Variants in PTPRT observed in about 807,000 individuals in gnomAD.
PTPRT encodes the protein protein tyrosine phosphatase receptor type T.
In PTPRT, 56 loss-of-function variants were observed where a neutral mutation model predicts 176.8. That is an observed-to-expected ratio of 0.32 (90% CI 0.26 to 0.40). The LOEUF (loss-of-function observed/expected upper bound fraction) is 0.40, where lower values mean the gene tolerates loss of function less well. Among genes scored for constraint, PTPRT ranks in the 10% least tolerant of loss-of-function variants. The pLI is 1.00. For synonymous variants in PTPRT, 783 were observed against 739.0 expected, an observed-to-expected ratio of 1.06 and a Z score of -0.96; for missense variants, 1,540 against 1,908.2, an observed-to-expected ratio of 0.81 and a Z score of 3.60.
intron 1 of PTPRT, among the ~76,000 whole-genome samples, chr20:42,927,439 G>T (rs148175768): frequency 6.6e-6 from 1 of 152,184 alleles, no homozygotes. Flanking sequence ...GCGCATGCCC[G>T]TAATCCAAGC....
At chr20:42,979,638 A>G (rs1046237031) in intron 1 of PTPRT, among the ~76,000 whole-genome samples, 1 of 152,144 alleles carries the variant, frequency 6.6e-6, no homozygotes, top group Admixed American at 6.5e-5. Flanking sequence ...ATTATGGATG[A>G]TCCTGCCCCC....
intron 1 of PTPRT, among the ~76,000 whole-genome samples, chr20:43,158,442 C>T (rs1469235924): frequency 1.3e-5 from 2 of 152,172 alleles, no homozygotes; most frequent in Admixed American, 6.5e-5. Flanking sequence ...GATACAAATT[C>T]GGGAGTCATT....
At chr20:42,041,935 T>A in the PTPRT span, among the ~76,000 whole-genome samples, 1 of 152,158 alleles carries the variant, frequency 6.6e-6, no homozygotes. Flanking sequence ...CAATCCCTAT[T>A]AAATAAATTC....
rs569681213 is a variant in PTPRT, at chr20:42,389,019, C to T, written c.1561-36734G>A. 1.8e-4 allele frequency among the ~76,000 whole-genome samples: 27 copies of T among 151,712 alleles called. No homozygotes were observed. The South Asian group carries it at 5.4e-3, about 30-fold the overall frequency. On this transcript the variant is annotated intron_variant, in intron 9 of 30. Transcript: ENST00000373187. ...GAAACCATCATTCTCAGCAAACTAT[C>T]GCAAGGACAAAAAACCAAACACTGC...
chr20:42,552,711 C>T (rs1200421983), intron 7 of PTPRT, among the ~76,000 whole-genome samples: 1 of 152,070 alleles, frequency 6.6e-6, no homozygotes. Context: ...AAGATTAATG[C>T]TGTTAATACA....
rs7361185 is a variant in PTPRT, at chr20:42,443,091, C to A, written c.1560+5129G>T. Among the ~76,000 whole-genome samples, 3 of 152,282 alleles carry A rather than the reference C, an allele frequency of 2.0e-5. No individual in the cohort carries two copies. In the East Asian group the frequency reaches 5.8e-4, roughly 29 times the overall value. On this transcript the variant is annotated intron_variant, in intron 9 of 30. Coordinates refer to ENST00000373187, the MANE Select transcript of PTPRT (RefSeq NM_007050.6). The stretch of plus-strand genomic sequence containing the variant: ...ATTCCTGATGTAAATATTGTTTAGA[C>A]GTCAGGTGAGCAGGAATATTCCTTA...
intron 1 of PTPRT, among the ~76,000 whole-genome samples, chr20:42,972,685 A>C (rs1329942115): frequency 1.4e-5 from 2 of 147,350 alleles, no homozygotes; most frequent in Non-Finnish European, 3.0e-5. Context: ...GCAAAAAAAA[A>C]AAAAAAAAAA....
chr20:43,098,254 G>A (rs76911828), intron 1 of PTPRT, among the ~76,000 whole-genome samples: 3,706 of 152,276 alleles, frequency 0.024, 165 homozygotes, highest in African/African-American at 0.084. Context: ...TGAAGCAGCA[G>A]CACAGCATAT....
At chr20:42,915,772 T>C (rs981852739) in intron 1 of PTPRT, among the ~76,000 whole-genome samples, 1 of 152,006 alleles carries the variant, frequency 6.6e-6, no homozygotes, top group Non-Finnish European at 1.5e-5. Flanking sequence ...TTTGTATTTT[T>C]TTTTTCTGTA....
At chr20:42,118,294 G>T (rs1987399609) in intron 21 of PTPRT, 109 bp downstream of exon 21, 1 of 876,968 alleles carries the variant, frequency 1.1e-6, no homozygotes. Flanking sequence ...AGGTTGCCGT[G>T]AGGGTGAAAT....
rs960106930 is a variant in PTPRT at position 42,522,172 on chromosome 20, T to C, written c.1154-49610A>G. On this transcript the variant is annotated intron_variant, in intron 7 of 30. Transcript: ENST00000373187. The stretch of plus-strand genomic sequence containing the variant: ...TTTTCTCTTGGATCTAGTTGCCTCT[T>C]GCTTTTGTAAAAGTTTCCTTCTTTA... Among the ~76,000 whole-genome samples the C allele has an allele frequency of 1.9e-4, 29 of 149,562 alleles. 1 individual carries two copies. The highest frequency in any genetic ancestry group is 6.9e-4 in the African/African-American group (28 of 40,358).
intron 7 of PTPRT, among the ~76,000 whole-genome samples, chr20:42,491,915 G>A (rs953024948): frequency 6.6e-6 from 1 of 152,026 alleles, no homozygotes; most frequent in Non-Finnish European, 1.5e-5. Flanking sequence ...TTTCATAAAT[G>A]TTATATAAAA....
At chr20:42,538,455 G>C (rs2072515431) in intron 7 of PTPRT, among the ~76,000 whole-genome samples, 1 of 152,102 alleles carries the variant, frequency 6.6e-6, no homozygotes, top group South Asian at 2.1e-4. Flanking sequence ...CTAGAAAGAG[G>C]GAACTTATTT....
chr20:42,087,255 G>A (rs1342498754), intron 27 of PTPRT, among the ~76,000 whole-genome samples: 1 of 151,768 alleles, frequency 6.6e-6, no homozygotes, highest in Non-Finnish European at 1.5e-5. Flanking sequence ...TTTTGAGACG[G>A]AGTCTCACTC....
chr20:43,008,958 G>A lies in PTPRT; in HGVS notation c.89-123026C>T, dbSNP rs186017556. Among the ~76,000 whole-genome samples, 725 of 152,194 alleles carry A rather than the reference G, an allele frequency of 4.8e-3. 9 individuals carry two copies. The highest frequency in any genetic ancestry group is 0.017 in the African/African-American group (695 of 41,508). The stretch of plus-strand genomic sequence containing the variant: ...CTCTCAGGTGGGTTTGGGTCTCTCC[G>A]CCTGACTTCACATGTCAAGGGCTTC... On this transcript the variant is annotated intron_variant, in intron 1 of 30. Transcript: ENST00000373187.
intron 7 of PTPRT, among the ~76,000 whole-genome samples, chr20:42,656,979 T>C (rs2075136004): frequency 6.6e-6 from 1 of 152,130 alleles, no homozygotes; most frequent in Non-Finnish European, 1.5e-5. Flanking sequence ...AAATATCATC[T>C]TGAATTGTAG....
At chr20:43,043,327 A>C (rs544215612) in intron 1 of PTPRT, among the ~76,000 whole-genome samples, 64 of 152,260 alleles carry the variant, frequency 4.2e-4, no homozygotes, top group African/African-American at 1.4e-3. Context: ...AAAAGTGAAG[A>C]GCTCCATATC....
intron 3 of PTPRT, among the ~76,000 whole-genome samples, chr20:42,785,345 A>C (rs1380602295): frequency 1.3e-5 from 2 of 152,218 alleles, no homozygotes; most frequent in Non-Finnish European, 2.9e-5. Flanking sequence ...GACTTTAATA[A>C]ATTAATACAT....
intron 1 of PTPRT, among the ~76,000 whole-genome samples, chr20:43,016,914 T>TG (rs1254064019): frequency 1.3e-5 from 2 of 152,204 alleles, no homozygotes; most frequent in African/African-American, 4.8e-5. Context: ...CTGATTTCAC[T>TG]GGGTATTCCC....
Sources: gnomAD v4.1 joint callset for allele counts (sites outside exome capture counted in the v4.1 genomes callset) on GRCh38, gnomAD v4.1.1 for gene constraint, MANE v1.5 for transcripts, NCBI Gene and HGNC (gene_info 2026-07-23, HGNC 2026-07-21) for gene names.